Variants in PACRG observed in about 807,000 individuals in gnomAD.
PACRG encodes the protein parkin coregulated.
Under a neutral mutation model 29.7 loss-of-function variants are expected in PACRG, and 29 were observed. That is an observed-to-expected ratio of 0.98 (90% confidence interval 0.73 to 1.33). The LOEUF (loss-of-function observed/expected upper bound fraction) is 1.33, where lower values mean the gene tolerates loss of function less well. Among genes scored for constraint, PACRG ranks in the 40% most tolerant of loss-of-function variants. The pLI, the probability that PACRG is intolerant of heterozygous loss-of-function variation, is 0.00. For synonymous variants in PACRG, 116 were observed against 118.7 expected (o/e 0.98, Z 0.15); for missense variants, 279 against 316.2 (o/e 0.88, Z 0.89).
Position 163,268,546 on chromosome 6 carries a change from C to T in PACRG, c.614-46281C>T, listed in dbSNP as rs550099079. Among the ~76,000 whole-genome samples, 5 of 152,126 alleles carry T rather than the reference C, an allele frequency of 3.3e-5. No homozygotes were observed. In the South Asian group the frequency reaches 1.0e-3, roughly 32 times the overall value. On this transcript the variant is annotated intron_variant, in intron 4 of 4. Transcript: ENST00000366888. Reference sequence around the variant, plus strand: ...TCCAACACTATAGTAGGAATATTAGCTTTTTTCTTTCATAAGAAAGCCCTA... The same window carrying T: ...TCCAACACTATAGTAGGAATATTAGTTTTTTTCTTTCATAAGAAAGCCCTA...
chr6:163,046,473 C>A (rs1016133810), intron 2 of PACRG: 1 of 151,688 alleles, frequency 6.6e-6, no homozygotes, highest in African/African-American at 2.4e-5. Flanking sequence ...CTTATAATAA[C>A]CCCAGGAATT....
chr6:162,925,679 A>G (rs1016706727), intron 2 of PACRG, among the ~76,000 whole-genome samples: 1 of 152,214 alleles, frequency 6.6e-6, no homozygotes. Flanking sequence ...AGAGCTATTT[A>G]TGACAAACTC....
At chr6:162,914,433 A>G (rs1263887238) in intron 2 of PACRG, among the ~76,000 whole-genome samples, 4 of 151,034 alleles carry the variant, frequency 2.6e-5, no homozygotes, top group South Asian at 2.1e-4. Flanking sequence ...TCTTTTGCCA[A>G]CCTCAAACTG....
chr6:162,841,558 A>G (rs986431959), intron 2 of PACRG, among the ~76,000 whole-genome samples: 8 of 151,830 alleles, frequency 5.3e-5, no homozygotes, highest in African/African-American at 1.9e-4. Flanking sequence ...TCCTGGATTC[A>G]TTAATTTTTT....
At chr6:162,783,679 C>A (rs1584340907) in intron 1 of PACRG, among the ~76,000 whole-genome samples, 1 of 151,958 alleles carries the variant, frequency 6.6e-6, no homozygotes, top group South Asian at 2.1e-4. Flanking sequence ...TACATCTCTG[C>A]AGACTTTCTA....
chr6:163,040,760 A>G (rs2128236735), intron 2 of PACRG, among the ~76,000 whole-genome samples: 1 of 152,352 alleles, frequency 6.6e-6, no homozygotes, highest in Middle Eastern at 3.4e-3. Flanking sequence ...CCTATTTGGA[A>G]TGGGAACATT....
At chr6:162,765,878 A>G (rs1210401678) in intron 1 of PACRG, among the ~76,000 whole-genome samples, 1 of 152,160 alleles carries the variant, frequency 6.6e-6, no homozygotes, top group African/African-American at 2.4e-5. Context: ...TTTAAATGCT[A>G]TGGGAGTATT....
In PACRG at chr6:163,071,138, C is replaced by T. The variant is rs149827714; in HGVS notation, c.463+8817C>T. Reference sequence around the variant, plus strand: ...CCACTTTCTGCATTGGACAGATCTTCCAGACAGAAAATCAACAAAGAAACA... The same window carrying T: ...CCACTTTCTGCATTGGACAGATCTTTCAGACAGAAAATCAACAAAGAAACA... On this transcript the variant is annotated intron_variant, in intron 3 of 4. Coordinates refer to ENST00000366888, the MANE Select transcript of PACRG (RefSeq NM_001080379.2). Among the ~76,000 whole-genome samples the T allele has an allele frequency of 1.6e-3, 236 of 152,128 alleles. 1 individual carries two copies. Among genetic ancestry groups the T allele is most frequent in the African/African-American group, 5.6e-3 (231 of 41,540 alleles).
At chr6:162,941,895 A>C (rs1325282165) in intron 2 of PACRG, among the ~76,000 whole-genome samples, 1 of 152,162 alleles carries the variant, frequency 6.6e-6, no homozygotes, top group Admixed American at 6.5e-5. Flanking sequence ...AGTTGCTTTC[A>C]TTACTAGTTT....
chr6:163,143,215 T>C (rs1176162208), intron 4 of PACRG, among the ~76,000 whole-genome samples: 1 of 151,922 alleles, frequency 6.6e-6, no homozygotes, highest in African/African-American at 2.4e-5. Flanking sequence ...TATTCCATAA[T>C]AAAAAGTTTA....
chr6:163,254,196 T>A (rs1783018015), intron 4 of PACRG, among the ~76,000 whole-genome samples: 1 of 152,238 alleles, frequency 6.6e-6, no homozygotes, highest in African/African-American at 2.4e-5. Context: ...TGTCTGATCT[T>A]AAAACTGACA....
intron 1 of PACRG, among the ~76,000 whole-genome samples, chr6:162,787,892 A>G (rs13204598): frequency 1.4e-5 from 2 of 141,458 alleles, no homozygotes; most frequent in Admixed American, 1.4e-4. Flanking sequence ...GATTTTTTAA[A>G]TTAATAGACT....
chr6:163,027,929 C>T (rs1036481660), intron 2 of PACRG, among the ~76,000 whole-genome samples: 2 of 152,174 alleles, frequency 1.3e-5, no homozygotes, highest in African/African-American at 2.4e-5. Flanking sequence ...CACACTGTCC[C>T]CCACCAACCA....
chr6:163,261,888 A>G (rs1193808858), intron 4 of PACRG, among the ~76,000 whole-genome samples: 1 of 152,152 alleles, frequency 6.6e-6, no homozygotes, highest in East Asian at 1.9e-4. Flanking sequence ...CAGGGACTTG[A>G]GCATCTGTGG....
At chr6:163,239,684 ACACACG>A (rs2128167271) in intron 4 of PACRG, among the ~76,000 whole-genome samples, 1 of 98,032 alleles carries the variant, frequency 1.0e-5, no homozygotes. Flanking sequence ...ACCCCTACAC[ACACACG>A]CACACTCCCA....
At chr6:162,989,775 A>G (rs1437257537) in intron 2 of PACRG, among the ~76,000 whole-genome samples, 2 of 146,838 alleles carry the variant, frequency 1.4e-5, no homozygotes, top group Non-Finnish European at 3.0e-5. Flanking sequence ...TTTAGGGTAC[A>G]TGTGCACATT....
chr6:162,948,556 A>T lies in PACRG; in HGVS notation c.292-113594A>T, dbSNP rs560140853. Reference sequence around the variant, plus strand: ...GACAAATTGGACTATATCAAACTAAAACCTTCTACACAGCAAAGGACACAA... The same window carrying T: ...GACAAATTGGACTATATCAAACTAATACCTTCTACACAGCAAAGGACACAA... On this transcript the variant is annotated intron_variant, in intron 2 of 4. Coordinates refer to ENST00000366888, the MANE Select transcript of PACRG (RefSeq NM_001080379.2). Among the ~76,000 whole-genome samples, 4 of 152,226 alleles carry T rather than the reference A, an allele frequency of 2.6e-5. No homozygotes were observed. In the East Asian group the frequency reaches 7.7e-4, roughly 29 times the overall value.
At chr6:163,216,591 T>C (rs1418504935) in intron 4 of PACRG, among the ~76,000 whole-genome samples, 1 of 152,186 alleles carries the variant, frequency 6.6e-6, no homozygotes, top group Non-Finnish European at 1.5e-5. Context: ...AAAATCAAGT[T>C]GAGTCTGACT....
At chr6:163,079,890 CTTTTTTTT>C (rs67162530) in intron 3 of PACRG, among the ~76,000 whole-genome samples, 3 of 78,678 alleles carry the variant, frequency 3.8e-5, no homozygotes, top group African/African-American at 1.6e-4. Context: ...AGCAGTCATT[CTTTTTTTT>C]TTTTTTTTTT....
Sources: allele counts gnomAD v4.1 joint callset (sites outside exome capture counted in the v4.1 genomes callset), GRCh38; gene constraint gnomAD v4.1.1; transcripts MANE v1.5; gene names NCBI Gene and HGNC (gene_info 2026-07-23, HGNC 2026-07-21).